LUZP1: variants seen among roughly 807,000 people sequenced by gnomAD.
LUZP1 encodes the protein filamin mechanobinding actin cross-linking protein.
Under a neutral mutation model 71.3 loss-of-function variants are expected in LUZP1, and 25 were observed. That is an observed-to-expected ratio of 0.35 (90% CI 0.26 to 0.49). LUZP1 has a LOEUF of 0.49. LUZP1 is among the 20% of genes least tolerant of loss of function. LUZP1 has a pLI of 0.99. For synonymous variants in LUZP1, 481 were observed against 506.4 expected, an observed-to-expected ratio of 0.95 and a Z score of 0.67; for missense variants, 1,142 against 1,300.8, an observed-to-expected ratio of 0.88 and a Z score of 1.88.
intron 1 of LUZP1, among the ~76,000 whole-genome samples, chr1:23,171,634 G>T (rs146654550): frequency 2.6e-4 from 39 of 152,358 alleles, no homozygotes; most frequent in Admixed American, 7.8e-4. Context: ...TATGCTGCAG[G>T]CAGGCACATG....
Position 23,110,637 on chromosome 1 carries a change from C to T in LUZP1, c.-225-1510G>A, listed in dbSNP as rs72657842. On this transcript the variant is annotated intron_variant, in intron 2 of 4. Coordinates refer to ENST00000302291, the Ensembl canonical transcript of LUZP1. ...GCGCATGCATGAACGCGCACACATA[C>T]ACACACACACACACACACACACACA... Among the ~76,000 whole-genome samples, 554 of 120,174 alleles carry T rather than the reference C, an allele frequency of 4.6e-3. 7 individuals are homozygous for T. The highest frequency in any genetic ancestry group is 0.013 in the African/African-American group (424 of 31,760). The allele number at this position is 120,174 out of a possible 152,430, so 78.8% of individuals were successfully genotyped here. A position where few individuals can be genotyped will look rare whatever the true frequency, so the allele number is the denominator to read the frequency against.
chr1:23,089,480 T>C (rs1401284213), intron 4 of LUZP1, among the ~76,000 whole-genome samples: 1 of 152,196 alleles, frequency 6.6e-6, no homozygotes, highest in Non-Finnish European at 1.5e-5. Flanking sequence ...TCTTCCTCCT[T>C]CCCACATACA....
intron 2 of LUZP1, among the ~76,000 whole-genome samples, chr1:23,129,351 G>A (rs1316941351): frequency 6.6e-6 from 1 of 152,222 alleles, no homozygotes; most frequent in Admixed American, 6.5e-5. Flanking sequence ...GGAGGCCAAG[G>A]CAGGCAGATC....
chr1:23,142,986 TG>T (rs1354117646), intron 2 of LUZP1, among the ~76,000 whole-genome samples: 1 of 151,954 alleles, frequency 6.6e-6, no homozygotes, highest in East Asian at 1.9e-4. Flanking sequence ...CTGGGCTACA[TG>T]GTAAGACTTC....
chr1:23,154,478 T>A (rs1015879739), intron 2 of LUZP1, among the ~76,000 whole-genome samples: 1 of 152,102 alleles, frequency 6.6e-6, no homozygotes, highest in African/African-American at 2.4e-5. Flanking sequence ...AGATCAAGGC[T>A]GCAGTGAGTC....
chr1:23,175,067 A>G (rs1337858203), intron 1 of LUZP1, among the ~76,000 whole-genome samples: 2 of 152,098 alleles, frequency 1.3e-5, no homozygotes, highest in Admixed American at 1.3e-4. Flanking sequence ...TATATTGCAT[A>G]TACTATCTCT....
chr1:23,092,478 G>A lies in LUZP1; in HGVS notation c.1784C>T (p.Pro595Leu), dbSNP rs760639391. 29 of 1,613,974 alleles carry A rather than the reference G, an allele frequency of 1.8e-5. No homozygotes were observed. Among genetic ancestry groups the A allele is most frequent in the African/African-American group, 2.7e-5 (2 of 74,906 alleles). ...CGATAGAACAGGAGCCTTGGAATTCGGGCAACTGTTATCAGCCTCAAGGCC... is the reference window on the plus strand; with the variant it reads ...CGATAGAACAGGAGCCTTGGAATTCAGGCAACTGTTATCAGCCTCAAGGCC... Residue 595 changes from proline (P) to leucine (L), a missense_variant, in exon 4 of 5, where the codon CCG becomes CTG. Pro to Leu is a moderately conservative substitution (Grantham distance 98). Transcript: ENST00000302291.
chr1:23,171,085 T>A (rs1644549833), intron 1 of LUZP1, among the ~76,000 whole-genome samples: 1 of 141,050 alleles, frequency 7.1e-6, no homozygotes, highest in South Asian at 2.2e-4. Context: ...CGAGACCCTG[T>A]CTCAAAAAAA....
At chr1:23,118,950 T>C (rs1253662322) in intron 2 of LUZP1, among the ~76,000 whole-genome samples, 1 of 152,194 alleles carries the variant, frequency 6.6e-6, no homozygotes, top group East Asian at 1.9e-4. Flanking sequence ...ACTTTGTCTG[T>C]ATCTCTACTT....
chr1:23,112,090 T>C (rs2124643805), intron 2 of LUZP1, among the ~76,000 whole-genome samples: 1 of 152,274 alleles, frequency 6.6e-6, no homozygotes, highest in South Asian at 2.1e-4. Context: ...TCCTGATTTG[T>C]TTTCAACTGT....
At chr1:23,157,257 G>A (rs965140283) in intron 2 of LUZP1, among the ~76,000 whole-genome samples, 9 of 152,172 alleles carry the variant, frequency 5.9e-5, no homozygotes, top group Admixed American at 2.6e-4. Context: ...GCTAGGGCCC[G>A]GGAGTTCAAG....
chr1:23,117,456 T>TCC (rs1644089626), intron 2 of LUZP1, among the ~76,000 whole-genome samples: 5 of 25,688 alleles, frequency 1.9e-4, no homozygotes, highest in African/African-American at 1.9e-3. Context: ...TTTTTTTTCC[T>TCC]CTCTCTCTCT....
At chr1:23,121,291 A>G (rs1169880161) in intron 2 of LUZP1, among the ~76,000 whole-genome samples, 1 of 152,210 alleles carries the variant, frequency 6.6e-6, no homozygotes, top group Non-Finnish European at 1.5e-5. Context: ...ATACCATTCT[A>G]AATGCCTCAA....
At chr1:23,159,723 G>A (rs566212797) in intron 2 of LUZP1, among the ~76,000 whole-genome samples, 56 of 152,330 alleles carry the variant, frequency 3.7e-4, no homozygotes, top group Non-Finnish European at 2.2e-4. Flanking sequence ...GGTGGCTCAT[G>A]CCTGTAATCC....
intron 2 of LUZP1, among the ~76,000 whole-genome samples, chr1:23,124,657 G>A (rs1199522004): frequency 2.0e-5 from 3 of 152,082 alleles, no homozygotes; most frequent in South Asian, 2.1e-4. Context: ...AAAAACAATC[G>A]ACTACTAGAA....
At chr1:23,091,169 G>A (rs1378309421) in intron 4 of LUZP1, 21 bp downstream of exon 3, 2 of 1,577,362 alleles carry the variant, frequency 1.3e-6, no homozygotes, top group Non-Finnish European at 1.7e-6. Flanking sequence ...AAAGAGAGAG[G>A]GGAGAGAGGC....
chr1:23,146,987 C>G (rs1293869876), intron 2 of LUZP1, among the ~76,000 whole-genome samples: 2 of 151,670 alleles, frequency 1.3e-5, no homozygotes, highest in African/African-American at 4.9e-5. Context: ...GTCCCAACTA[C>G]TCGGGAGGCT....
At chr1:23,090,590 C>T in intron 4 of LUZP1, 2 of 501,626 alleles carry the variant, frequency 4.0e-6, no homozygotes, top group East Asian at 3.3e-5. Context: ...CAGCCCTGCC[C>T]TCAGACTGAT....
chr1:23,113,213 C>T (rs1209480405), intron 2 of LUZP1, among the ~76,000 whole-genome samples: 2 of 151,850 alleles, frequency 1.3e-5, no homozygotes, highest in Non-Finnish European at 2.9e-5. Flanking sequence ...CTGGGCAACA[C>T]AGTGAGACAC....
Sources: gnomAD v4.1 joint callset for allele counts (sites outside exome capture counted in the v4.1 genomes callset) on GRCh38, gnomAD v4.1.1 for gene constraint, MANE v1.5 for transcripts, NCBI Gene and HGNC (gene_info 2026-07-23, HGNC 2026-07-21) for gene names.